The following TTC6 variants were observed in gnomAD, a reference collection of about 807,000 sequenced individuals.
The protein encoded by TTC6 is tetratricopeptide repeat protein 6.
Under a neutral mutation model 210.4 loss-of-function variants are expected in TTC6, and 172 were observed. The ratio of observed to expected loss-of-function variants is 0.82; its 90% confidence interval spans 0.72 to 0.93. The LOEUF (loss-of-function observed/expected upper bound fraction) is 0.93, where lower values mean the gene tolerates loss of function less well. Among genes scored for constraint, TTC6 ranks in the 40% least tolerant of loss-of-function variants. TTC6 has a pLI of 0.00. For synonymous variants in TTC6, 804 were observed against 819.6 expected, an observed-to-expected ratio of 0.98 and a Z score of 0.32; for missense variants, 2,414 against 2,318.1, an observed-to-expected ratio of 1.04 and a Z score of -0.85.
intron 17 of TTC6, among the ~76,000 whole-genome samples, chr14:37,793,117 A>G (rs2096084283): frequency 6.6e-6 from 1 of 152,184 alleles, no homozygotes; most frequent in Non-Finnish European, 1.5e-5. Flanking sequence ...GTTTCTCACC[A>G]GGATGGATTT....
intron 1 of TTC6, among the ~76,000 whole-genome samples, chr14:37,628,912 G>A (rs1595032759): frequency 6.6e-6 from 1 of 152,148 alleles, no homozygotes; most frequent in Non-Finnish European, 1.5e-5. Context: ...AGGTCAGATG[G>A]TTGTAGATGT....
At chr14:37,838,629 C>T (rs1162838342) in intron 29 of TTC6, among the ~76,000 whole-genome samples, 1 of 152,018 alleles carries the variant, frequency 6.6e-6, no homozygotes, top group African/African-American at 2.4e-5. Context: ...TGAGCTCTTA[C>T]TTTGTTTTTG....
At chr14:37,605,223 GA>G (rs1329892486) in intron 1 of TTC6, among the ~76,000 whole-genome samples, 1 of 152,148 alleles carries the variant, frequency 6.6e-6, no homozygotes, top group African/African-American at 2.4e-5. Flanking sequence ...TCCTATTGAT[GA>G]AGTTTGGAAG....
chr14:37,692,056 A>G (rs543179660), intron 3 of TTC6, among the ~76,000 whole-genome samples: 2 of 151,970 alleles, frequency 1.3e-5, no homozygotes, highest in South Asian at 4.2e-4. Flanking sequence ...CAGTAAAGAA[A>G]AGCCTGGGAC....
chr14:37,693,664 G>A (rs901708584), intron 3 of TTC6, among the ~76,000 whole-genome samples: 2 of 151,874 alleles, frequency 1.3e-5, no homozygotes, highest in Non-Finnish European at 2.9e-5. Context: ...CAAAAAATCT[G>A]GAGGAAAATC....
At chr14:37,677,380 A>C (rs978227008) in intron 1 of TTC6, among the ~76,000 whole-genome samples, 14 of 152,092 alleles carry the variant, frequency 9.2e-5, no homozygotes, top group South Asian at 2.1e-4. Flanking sequence ...ACTTATTTTT[A>C]CATATTTACC....
intron 27 of TTC6, 56 bp downstream of exon 29, chr14:37,824,013 T>C: frequency 1.3e-6 from 2 of 1,528,280 alleles, no homozygotes; most frequent in South Asian, 2.3e-5. Context: ...AAGAATATAT[T>C]TGGCTCTTTC....
In TTC6 at chr14:37,680,267, G is replaced by C; in HGVS notation, c.1050+6G>C. The C allele has an allele frequency of 6.7e-7, 1 of 1,496,552 alleles. No individual in the cohort carries two copies. Among genetic ancestry groups the C allele is most frequent in the Non-Finnish European group, 8.9e-7 (1 of 1,120,514 alleles). 92.7% of individuals were successfully genotyped at this position (1,496,552 alleles called of 1,614,324 possible). A position where few individuals can be genotyped will look rare whatever the true frequency, so the allele number is the denominator to read the frequency against. ...GTGCTGAGGAATCGCAAATGGTAAA[G>C]TCTTTAATAAAAATCCTCCTTGCCT... On this transcript the variant is annotated splice_donor_region_variant and intron_variant, in intron 2 of 30. Transcript: ENST00000553443.
At chr14:37,622,986 TACG>T in exon 1 of TTC6, 4 of 1,473,766 alleles carry the variant, frequency 2.7e-6, no homozygotes, top group South Asian at 1.3e-5. Flanking sequence ...TGGCCAGAAC[TACG>T]ACATTACAAT....
At position 37,841,681 on chromosome 14, in the gene TTC6, G is replaced by T; in HGVS notation, c.5524+11G>T. 1.3e-6 allele frequency: 2 copies of T among 1,583,716 alleles called. No individual in the cohort carries two copies. The highest frequency in any genetic ancestry group is 1.7e-6 in the Non-Finnish European group (2 of 1,163,620). ...AAGACCTTAATAAAGGTACACTTTT[G>T]GTAATTATTCTGGTAAGATTACAGT... On this transcript the variant is annotated intron_variant, in intron 30 of 30. Coordinates refer to ENST00000553443, the Ensembl canonical transcript of TTC6.
At chr14:37,700,750 CAAAAAAAAAAAA>C (rs35091344) in intron 4 of TTC6, among the ~76,000 whole-genome samples, 4 of 62,286 alleles carry the variant, frequency 6.4e-5, no homozygotes, top group African/African-American at 3.1e-4. Flanking sequence ...CTCCATCTCA[CAAAAAAAAAAAA>C]AAAAAAAAAA....
chr14:37,787,619 C>T lies in TTC6; in HGVS notation c.3418C>T (p.Gln1140Ter). 1 of 1,504,216 alleles carries T rather than the reference C, an allele frequency of 6.6e-7. No homozygotes were observed. The highest frequency in any genetic ancestry group is 8.9e-7 in the Non-Finnish European group (1 of 1,126,736). The allele number at this position is 1,504,216 out of a possible 1,614,324, so 93.2% of individuals were successfully genotyped here. The change falls in exon 15 of 31, where the codon CAG becomes TAG. Residue 1140 changes from glutamine (Q) to a stop codon, truncating the protein, a stop_gained. Transcript: ENST00000553443. LOFTEE classifies it high-confidence loss of function. ...AAAGAGTAACCCTTTTAGAGCGCTA[C>T]AGGATTATAGTGTTTCAGGTACTTT...
chr14:37,765,404 C>T (rs191531636), intron 14 of TTC6, among the ~76,000 whole-genome samples: 83 of 145,190 alleles, frequency 5.7e-4, no homozygotes, highest in South Asian at 3.5e-3. Flanking sequence ...TAGTTTCAAA[C>T]GCTTCGCCTC....
intron 4 of TTC6, among the ~76,000 whole-genome samples, chr14:37,699,080 G>A (rs2095819932): frequency 6.6e-6 from 1 of 152,132 alleles, no homozygotes; most frequent in South Asian, 2.1e-4. Context: ...AGGTTAAAAT[G>A]GGTGACACAA....
At position 37,808,851 on chromosome 14, in the gene TTC6, G is replaced by T; in HGVS notation, c.4569+5G>T. On this transcript the variant is annotated splice_donor_5th_base_variant and intron_variant, in intron 24 of 30. Transcript: ENST00000553443. ...AAGATAAGGGAACTTCAAATGGTAA[G>T]ATGACCATTTTAGTAAACAATGTGT... 2.2e-6 allele frequency: 3 copies of T among 1,390,226 alleles called. No individual in the cohort carries two copies. Among genetic ancestry groups the T allele is most frequent in the Non-Finnish European group, 3.0e-6 (3 of 1,003,516 alleles). The allele number at this position is 1,390,226 out of a possible 1,614,324, so 86.1% of individuals were successfully genotyped here.
intron 20 of TTC6, among the ~76,000 whole-genome samples, chr14:37,804,415 A>G (rs908720998): frequency 6.6e-6 from 1 of 152,230 alleles, no homozygotes; most frequent in Admixed American, 6.5e-5. Flanking sequence ...TTTTAGTTCC[A>G]AAAATCCATG....
rs144916588 is a variant in TTC6, at chr14:37,680,412, T to G, written c.1050+151T>G. On this transcript the variant is annotated intron_variant, in intron 2 of 30. Coordinates refer to ENST00000553443, the Ensembl canonical transcript of TTC6. The stretch of plus-strand genomic sequence containing the variant: ...GAGAGCATCTAACTCGATACCACAC[T>G]GGGAGTCTTGGCCATTTTGGCTCAC... Among the ~76,000 whole-genome samples, 311 of 152,232 alleles carry G rather than the reference T, an allele frequency of 2.0e-3. 2 individuals are homozygous for G. Among genetic ancestry groups the G allele is most frequent in the Middle Eastern group, 0.01 (3 of 294 alleles).
chr14:37,708,368 A>G (rs1489438100), intron 5 of TTC6, among the ~76,000 whole-genome samples: 2 of 152,092 alleles, frequency 1.3e-5, no homozygotes, highest in African/African-American at 2.4e-5. Context: ...ATTGAAGTAC[A>G]CTACATTTAT....
At chr14:37,722,111 C>G (rs1467056157) in intron 6 of TTC6, among the ~76,000 whole-genome samples, 2 of 151,884 alleles carry the variant, frequency 1.3e-5, no homozygotes, top group Admixed American at 6.6e-5. Flanking sequence ...GAACAGAATA[C>G]TCTGACCTTG....
Sources: allele counts gnomAD v4.1 joint callset (sites outside exome capture counted in the v4.1 genomes callset), GRCh38; gene constraint gnomAD v4.1.1; transcripts MANE v1.5; gene names NCBI Gene and HGNC (gene_info 2026-07-23, HGNC 2026-07-21).